The following MRPL9 variants were observed in gnomAD, a reference collection of about 807,000 sequenced individuals.
MRPL9 encodes large ribosomal subunit protein bL9m.
MRPL9 carries 25 observed loss-of-function variants against 27.6 expected under a neutral mutation model. The observed-to-expected ratio is 0.91, with a 90% CI of 0.66 to 1.27. The LOEUF (loss-of-function observed/expected upper bound fraction) is 1.27. Among genes scored for constraint, MRPL9 ranks in the 50% most tolerant of loss-of-function variants. The pLI, the probability that MRPL9 is intolerant of heterozygous loss-of-function variation, is 0.00. For missense variants in MRPL9, 362 were observed against 338.0 expected (o/e 1.07, Z -0.56); for synonymous variants, 154 against 139.0 (o/e 1.11, Z -0.76).
intron 5 of MRPL9, 23 bp downstream of exon 5, chr1:151,761,428 G>A (rs1241240654): frequency 1.9e-6 from 3 of 1,559,904 alleles, no homozygotes; most frequent in South Asian, 2.2e-5. Flanking sequence ...GGGGTAGAGT[G>A]GTTTTTGGGA....
At position 151,763,289 on chromosome 1, in the gene MRPL9, C is replaced by G. The variant is rs749110135; in HGVS notation, c.153+38G>C. On this transcript the variant is annotated intron_variant, in intron 1 of 6. Coordinates refer to ENST00000368830, the MANE Select transcript of MRPL9 (RefSeq NM_031420.4). ...CCAGTGCGCCTCCAGAAACAATACT[C>G]GAGCGTATCTACCCCCTACCCCAGA... is the stretch of plus-strand genomic sequence containing the variant. 6 of 1,572,120 alleles carry G rather than the reference C, an allele frequency of 3.8e-6. No individual in the cohort carries two copies. The South Asian group carries it at 7.0e-5, about 18-fold the overall frequency.
At chr1:151,761,359 C>T (rs1648070468) in intron 5 of MRPL9, 92 bp downstream of exon 5, 2 of 871,786 alleles carry the variant, frequency 2.3e-6, no homozygotes, top group Non-Finnish European at 3.9e-6. Context: ...GATGATCACA[C>T]CCCTTCCTAA....
Position 151,763,012 on chromosome 1 carries a change from G to A in MRPL9, c.288C>T (p.Leu96=), listed in dbSNP as rs1478959416. The change falls in exon 2 of 7, where the codon CTC becomes CTT. Residue 96 remains leucine, a synonymous_variant. Transcript: ENST00000368830. ...TKHRPKENLE[L]ILTQSVENVG... ...TACTCTCCACCGACTGCGTCAGGAT[G>A]AGCTCCAGGTTTTCTTTGGGCCGAT... The A allele has an allele frequency of 1.9e-6, 3 of 1,614,064 alleles. No individual in the cohort carries two copies. Among genetic ancestry groups the A allele is most frequent in the South Asian group, 2.2e-5 (2 of 91,080 alleles).
chr1:151,762,443 A>G lies in MRPL9; in HGVS notation c.368T>C (p.Leu123Pro), dbSNP rs759411920. 1.9e-6 allele frequency: 3 copies of G among 1,614,168 alleles called. No individual in the cohort carries two copies. In the South Asian group the frequency reaches 3.3e-5, roughly 18 times the overall value. Reference sequence around the variant, plus strand: ...ATATACAGCCAGTCCCTGAGGAAGGAGTCGATTCCGGCCTAAAGATTTCTT... The same window carrying G: ...ATATACAGCCAGTCCCTGAGGAAGGGGTCGATTCCGGCCTAAAGATTTCTT... ...SVKKSLGRNR[L>P]LPQGLAVYAS... The change falls in exon 3 of 7, where the codon CTC (leucine) becomes CCC (proline). Residue 123 changes from leucine to proline, a missense_variant. Leu to Pro is a moderately conservative substitution (Grantham distance 98, BLOSUM62 -3). Transcript: ENST00000368830.
In MRPL9 at chr1:151,759,823, C is replaced by A. The variant is rs1647979409; in HGVS notation, c.*227G>T. ...TTTCGGTCTACTGCATCTAGCTTAT[C>A]AAATCTACAGCCTGGTACTTCTGGA... is the stretch of plus-strand genomic sequence containing the variant. On this transcript the variant is annotated 3_prime_UTR_variant, in exon 7 of 7. Coordinates refer to ENST00000368830, the MANE Select transcript of MRPL9 (RefSeq NM_031420.4). The A allele has an allele frequency of 2.0e-6, 1 of 506,424 alleles. No individual in the cohort carries two copies. Among genetic ancestry groups the A allele is most frequent in the Admixed American group, 4.1e-5 (1 of 24,446 alleles). 31.4% of individuals were successfully genotyped at this position (506,424 alleles called of 1,614,324 possible).
rs773747497 is a variant in MRPL9, at chr1:151,763,486, A to C, written c.-7T>G. On this transcript the variant is annotated 5_prime_UTR_variant, in exon 1 of 7. Coordinates refer to ENST00000368830, the MANE Select transcript of MRPL9 (RefSeq NM_031420.4). ...TGACAACGGGCGCCGCCATGTTCAC[A>C]GGCACAGAATGAGACCTGAGGGAGG... 9 of 1,570,610 alleles carry C rather than the reference A, an allele frequency of 5.7e-6. No individual in the cohort carries two copies. The South Asian group carries it at 1.0e-4, about 18-fold the overall frequency.
chr1:151,762,575 C>T (rs1571963241), intron 2 of MRPL9, 75 bp from the exon 3 acceptor site: 2 of 1,484,024 alleles, frequency 1.3e-6, no homozygotes, highest in Non-Finnish European at 1.8e-6. Context: ...AAAAGAGAAG[C>T]ACCTCTTAGT....
chr1:151,760,180 A>T lies in MRPL9; in HGVS notation c.674T>A (p.Val225Glu), dbSNP rs754596860. Residue 225 changes from valine (V) to glutamate (E), a missense_variant and splice_region_variant, in exon 7 of 7, where the codon GTA becomes GAA. Physicochemically the swap from Val to Glu is moderately radical, Grantham distance 121 (BLOSUM62 -2). Transcript: ENST00000368830. The part of the protein sequence containing the change: ...RWGEYWCEVT[V>E]NGLDTVRVPM... ...CACTCTCACAGTATCAAGCCCATTT[A>T]CCTGCACACAAAACAATGGGAATTC... The T allele has an allele frequency of 6.2e-7, 1 of 1,614,094 alleles. No homozygotes were observed. The highest frequency in any genetic ancestry group is 1.7e-4 in the Middle Eastern group (1 of 6,060).
chr1:151,762,069 T>C, intron 4 of MRPL9, 36 bp downstream of exon 4: 1 of 1,609,276 alleles, frequency 6.2e-7, no homozygotes, highest in South Asian at 1.1e-5. Context: ...TTGGTAAGTC[T>C]TGTGACAAAT....
chr1:151,763,102 C>T lies in MRPL9; in HGVS notation c.198G>A (p.Gly66=), dbSNP rs746048814. ...GGTGCAGGCGCGGCTTCCGGCCCTC[C>T]CCGGCCAGCGGTACCTTCCACCAGC... ...VERWWKVPLA[G]EGRKPRLHRR... Residue 66 remains glycine (G), a synonymous_variant, in exon 2 of 7, where the codon GGG becomes GGA. Transcript: ENST00000368830. 1 of 1,614,074 alleles carries T rather than the reference C, an allele frequency of 6.2e-7. No individual in the cohort carries two copies. The highest frequency in any genetic ancestry group is 2.2e-5 in the East Asian group (1 of 44,866).
chr1:151,763,002 G>A lies in MRPL9; in HGVS notation c.298C>T (p.Gln100Ter), dbSNP rs1316975260. ...GCCCGGGCCTTACTCTCCACCGACT[G>A]CGTCAGGATGAGCTCCAGGTTTTCT... Reference protein sequence around the residue: ...PKENLELILTQSVENVGVRGD... With the variant: ...PKENLELILT The change falls in exon 2 of 7, where the codon CAG (glutamine) becomes TAG (stop). Residue 100 changes from glutamine (Q) to a stop codon, truncating the protein, a stop_gained. Coordinates refer to ENST00000368830, the MANE Select transcript of MRPL9 (RefSeq NM_031420.4). LOFTEE classifies it high-confidence loss of function. The A allele has an allele frequency of 1.2e-6, 2 of 1,614,152 alleles. No homozygotes were observed. Among genetic ancestry groups the A allele is most frequent in the Non-Finnish European group, 1.7e-6 (2 of 1,180,004 alleles).
rs1258887364 is a variant in MRPL9 at position 151,762,060 on chromosome 1, TG to T, written c.486+44del. On this transcript the variant is annotated intron_variant, in intron 4 of 6. Coordinates refer to ENST00000368830, the MANE Select transcript of MRPL9 (RefSeq NM_031420.4). ...ATCAGGGAGACTCTCAGGGTGAGGT[TG>T]GTAAGTCTTGTGACAAATAAACACT... 3.1e-6 allele frequency: 5 copies of T among 1,591,188 alleles called. No homozygotes were observed. In the African/African-American group the frequency reaches 6.7e-5, roughly 21 times the overall value.
chr1:151,761,479 T>C lies in MRPL9; in HGVS notation c.560A>G (p.Glu187Gly), dbSNP rs2101541364. The C allele has an allele frequency of 1.2e-6, 2 of 1,614,030 alleles. No homozygotes were observed. The highest frequency in any genetic ancestry group is 4.5e-5 in the East Asian group (2 of 44,874). ...CTTAAAGAAGTGGCGGGCAACTATT[T>C]CAGGGTTCAGCTCCCATTTGACATT... ...KNNVKWELNP[E>G]IVARHFFKNL... The change falls in exon 5 of 7, where the codon GAA (glutamate) becomes GGA (glycine). Residue 187 changes from glutamate (E) to glycine (G), a missense_variant. Glu to Gly is a moderately conservative substitution (Grantham distance 98). Coordinates refer to ENST00000368830, the MANE Select transcript of MRPL9 (RefSeq NM_031420.4).
chr1:151,762,549 TAAAGA>T (rs1648145518), intron 2 of MRPL9, 49 bp from the exon 3 acceptor site: 2 of 1,564,380 alleles, frequency 1.3e-6, no homozygotes, highest in South Asian at 1.2e-5. Context: ...TAGGAGTCCC[TAAAGA>T]AAAGATGTCA....
intron 5 of MRPL9, 70 bp from the exon 6 acceptor site, chr1:151,760,969 G>A (rs1369547426): frequency 7.2e-7 from 1 of 1,379,778 alleles, no homozygotes. Flanking sequence ...GCCACTCTAG[G>A]GAACCTCATA....
Position 151,761,500 on chromosome 1 carries a change from A to ACAT in MRPL9, c.536_538dup (p.Asn179_Val180insAsp), listed in dbSNP as rs773005456. Reference sequence around the variant, plus strand: ...TATTTCAGGGTTCAGCTCCCATTTGACATTGTTCTTCATCCCTACCTCCAG... The same window carrying ACAT: ...TATTTCAGGGTTCAGCTCCCATTTGACATCATTGTTCTTCATCCCTACCTCCAG... On this transcript the variant is annotated inframe_insertion, in exon 5 of 7. Coordinates refer to ENST00000368830, the MANE Select transcript of MRPL9 (RefSeq NM_031420.4). The ACAT allele has an allele frequency of 1.9e-6, 3 of 1,613,948 alleles. No homozygotes were observed. The highest frequency in any genetic ancestry group is 1.7e-6 in the Non-Finnish European group (2 of 1,179,956).
At position 151,763,069 on chromosome 1, in the gene MRPL9, A is replaced by G. The variant is rs1196455; in HGVS notation, c.231T>C (p.His77=). The G allele has an allele frequency of 0.036, 58,382 of 1,613,998 alleles. 6,245 individuals are homozygous for G. Among genetic ancestry groups the G allele is most frequent in the East Asian group, 0.34 (15,203 of 44,852 alleles). The part of the protein sequence containing the change: ...EGRKPRLHRR[H]RVYKLVEDTK... ...TGTCCTCCACCAGCTTATAGACGCGATGTCGCCGGTGCAGGCGCGGCTTCC... is the reference window on the plus strand; with the variant it reads ...TGTCCTCCACCAGCTTATAGACGCGGTGTCGCCGGTGCAGGCGCGGCTTCC... The change falls in exon 2 of 7, where the codon CAT becomes CAC. Residue 77 remains histidine, a synonymous_variant. Coordinates refer to ENST00000368830, the MANE Select transcript of MRPL9 (RefSeq NM_031420.4).
intron 1 of MRPL9, 60 bp from the exon 2 acceptor site, chr1:151,763,206 C>T (rs1648195589): frequency 6.4e-7 from 1 of 1,564,558 alleles, no homozygotes; most frequent in Non-Finnish European, 8.7e-7. Flanking sequence ...CTCCCTCCAC[C>T]ACGGCCGCCA....
At position 151,762,124 on chromosome 1, in the gene MRPL9, T is replaced by G; in HGVS notation, c.467A>C (p.Gln156Pro). The G allele has an allele frequency of 6.2e-7, 1 of 1,614,240 alleles. No homozygotes were observed. Among genetic ancestry groups the G allele is most frequent in the South Asian group, 1.1e-5 (1 of 91,088 alleles). ...LRQEGKLEKI[Q>P]TKAGEATVKF... The stretch of plus-strand genomic sequence containing the variant: ...ACTCACCGCCTCACCTGCCTTGGTC[T>G]GGATCTTCTCTAATTTTCCTTCTTG... Residue 156 changes from glutamine to proline, a missense_variant, in exon 4 of 7, where the codon CAG (glutamine) becomes CCG (proline). Gln to Pro is a moderately conservative substitution (Grantham distance 76). Transcript: ENST00000368830.
Sources: gnomAD v4.1 joint callset for allele counts on GRCh38, gnomAD v4.1.1 for gene constraint, MANE v1.5 for transcripts, NCBI Gene and HGNC (gene_info 2026-07-23, HGNC 2026-07-21) for gene names.